The following TMEFF2 variants were observed in gnomAD, a reference collection of about 807,000 sequenced individuals.
The protein encoded by TMEFF2 is tomoregulin-2.
In TMEFF2, 28 loss-of-function variants were observed where a neutral mutation model predicts 53.8. The observed-to-expected ratio is 0.52, with a 90% confidence interval of 0.39 to 0.71. The LOEUF (loss-of-function observed/expected upper bound fraction) is 0.71. Ranked by LOEUF, TMEFF2 falls within the 30% of genes least tolerant of loss-of-function variation. The pLI is 0.00. For missense variants in TMEFF2, 353 were observed against 455.2 expected, an observed-to-expected ratio of 0.78 and a Z score of 2.04; for synonymous variants, 162 against 166.3, an observed-to-expected ratio of 0.97 and a Z score of 0.20.
At chr2:192,115,827 T>A (rs1265709822) in intron 4 of TMEFF2, among the ~76,000 whole-genome samples, 1 of 151,814 alleles carries the variant, frequency 6.6e-6, no homozygotes, top group Non-Finnish European at 1.5e-5. Context: ...TATAAAAAAG[T>A]CAAAAGATAA....
At position 192,167,812 on chromosome 2, in the gene TMEFF2, T is replaced by C. The variant is rs371757499; in HGVS notation, c.439+11856A>G. On this transcript the variant is annotated intron_variant, in intron 4 of 9. Coordinates refer to ENST00000272771, the MANE Select transcript of TMEFF2 (RefSeq NM_016192.4). ...ATGATGTGTATTATGGCATTTCCTA[T>C]GCCCACTCTCAGTAAGTTGAGGGTC... Among the ~76,000 whole-genome samples the C allele has an allele frequency of 3.9e-5, 6 of 152,278 alleles. No individual in the cohort carries two copies. In the East Asian group the frequency reaches 9.7e-4, roughly 25 times the overall value.
intron 4 of TMEFF2, among the ~76,000 whole-genome samples, chr2:192,117,093 G>A (rs1229117754): frequency 6.6e-6 from 1 of 152,080 alleles, no homozygotes; most frequent in Non-Finnish European, 1.5e-5. Context: ...CTTGACAAAT[G>A]ATACCTTAAA....
rs896013125 is a variant in TMEFF2 at position 192,194,617 on chromosome 2, G to A, written c.-93C>T. On this transcript the variant is annotated 5_prime_UTR_variant, in exon 1 of 10. Coordinates refer to ENST00000272771, the MANE Select transcript of TMEFF2 (RefSeq NM_016192.4). This position sits in a 1 kb window ranked among gnomAD's most constrained non-coding sequence, Gnocchi z 4.2. ...GCGGGCTACTGAGCATCCCGCGGAC[G>A]GCGGCAGCAGAGGCGGCGGCGGTGG... The A allele has an allele frequency of 5.4e-6, 8 of 1,469,860 alleles. No homozygotes were observed. The highest frequency in any genetic ancestry group is 1.3e-5 in the South Asian group (1 of 79,162). 91.1% of individuals were successfully genotyped at this position (1,469,860 alleles called of 1,614,324 possible).
intron 4 of TMEFF2, among the ~76,000 whole-genome samples, chr2:192,075,316 T>TATATATAAATATAA (rs1398885322): frequency 4.1e-5 from 5 of 120,550 alleles, no homozygotes; most frequent in South Asian, 2.5e-4. Flanking sequence ...TATATATATA[T>TATATATAAATATAA]ATATATATAT....
intron 7 of TMEFF2, among the ~76,000 whole-genome samples, chr2:191,987,686 T>G (rs1012136241): frequency 6.6e-6 from 1 of 152,194 alleles, no homozygotes; most frequent in Non-Finnish European, 1.5e-5. Context: ...TAACTAAATT[T>G]AGATGAATTA....
intron 7 of TMEFF2, among the ~76,000 whole-genome samples, chr2:191,979,158 G>C (rs140518176): frequency 6.6e-6 from 1 of 152,314 alleles, no homozygotes; most frequent in Non-Finnish European, 1.5e-5. Context: ...AAATAGGAAA[G>C]AGGTAAAAAT....
chr2:192,171,395 C>T (rs1690909834), intron 4 of TMEFF2, among the ~76,000 whole-genome samples: 1 of 151,884 alleles, frequency 6.6e-6, no homozygotes, highest in South Asian at 2.1e-4. Context: ...CCCTTACTCT[C>T]TTACTTCAGC....
At chr2:191,959,850 T>G (rs1692220985) in intron 7 of TMEFF2, among the ~76,000 whole-genome samples, 1 of 152,126 alleles carries the variant, frequency 6.6e-6, no homozygotes, top group Non-Finnish European at 1.5e-5. Context: ...TTAAGTTGTA[T>G]TATCTATCCA....
At chr2:191,968,459 A>G (rs1461994115) in intron 7 of TMEFF2, among the ~76,000 whole-genome samples, 2 of 152,174 alleles carry the variant, frequency 1.3e-5, no homozygotes, top group Non-Finnish European at 2.9e-5. Context: ...GTTGAGAAAT[A>G]TCTCTTTGGT....
intron 7 of TMEFF2, among the ~76,000 whole-genome samples, chr2:191,968,206 A>G (rs944455710): frequency 1.3e-5 from 2 of 152,216 alleles, no homozygotes; most frequent in Admixed American, 1.3e-4. Context: ...GATTATACCA[A>G]TGTTTATGAT....
chr2:192,009,427 A>G (rs1686575069), intron 5 of TMEFF2, among the ~76,000 whole-genome samples: 1 of 152,148 alleles, frequency 6.6e-6, no homozygotes, highest in African/African-American at 2.4e-5. Context: ...TTTTTGTAAC[A>G]TGTTATTTCC....
At chr2:192,073,575 A>G (rs1688340504) in intron 4 of TMEFF2, among the ~76,000 whole-genome samples, 1 of 151,970 alleles carries the variant, frequency 6.6e-6, no homozygotes, top group African/African-American at 2.4e-5. Flanking sequence ...CTTGGTGCGT[A>G]GAAATGTACA....
At chr2:192,178,429 A>G (rs1200377429) in intron 4 of TMEFF2, 1 of 151,008 alleles carries the variant, frequency 6.6e-6, no homozygotes, top group East Asian at 1.9e-4. Context: ...AAGTAGAGAA[A>G]GACTGTCCAG....
intron 2 of TMEFF2, among the ~76,000 whole-genome samples, chr2:192,185,114 A>T (rs541758222): frequency 6.0e-4 from 92 of 152,216 alleles, no homozygotes; most frequent in Non-Finnish European, 1.2e-3. Flanking sequence ...AAAAATTTCA[A>T]CAACTACTGA....
chr2:192,002,166 G>A (rs1427490629), intron 5 of TMEFF2, among the ~76,000 whole-genome samples: 1 of 152,032 alleles, frequency 6.6e-6, no homozygotes. Context: ...AAAATTCCTG[G>A]CTCTTGTTGC....
chr2:191,970,747 T>C (rs1201066711), intron 7 of TMEFF2, among the ~76,000 whole-genome samples: 2 of 151,930 alleles, frequency 1.3e-5, no homozygotes, highest in African/African-American at 2.4e-5. Context: ...CAAACTCATA[T>C]TGATAGAGTG....
At chr2:192,054,212 G>A (rs1262876053) in intron 5 of TMEFF2, among the ~76,000 whole-genome samples, 2 of 151,296 alleles carry the variant, frequency 1.3e-5, no homozygotes, top group Non-Finnish European at 2.9e-5. Flanking sequence ...AACTGATTTA[G>A]CACTCAGCTT....
chr2:192,031,503 C>T (rs144848986), intron 5 of TMEFF2: 63 of 152,248 alleles, frequency 4.1e-4, no homozygotes, highest in African/African-American at 1.4e-3. Flanking sequence ...TAATTGAATG[C>T]TGAATTCACA....
intron 7 of TMEFF2, among the ~76,000 whole-genome samples, chr2:191,994,241 A>T (rs145646295): frequency 1.5e-3 from 234 of 152,128 alleles, no homozygotes; most frequent in African/African-American, 5.1e-3. Flanking sequence ...ATTTCAATTT[A>T]AAAAATATGG....
Sources: allele counts gnomAD v4.1 joint callset (sites outside exome capture counted in the v4.1 genomes callset), GRCh38; gene constraint gnomAD v4.1.1; non-coding constraint Gnocchi (gnomAD v3.1); transcripts MANE v1.5; gene names NCBI Gene and HGNC (gene_info 2026-07-23, HGNC 2026-07-21).